Variants in ITGB1 observed in about 807,000 individuals in gnomAD.
ITGB1 encodes integrin subunit beta 1.
In ITGB1, 24 loss-of-function variants were observed where a neutral mutation model predicts 86.5. The ratio of observed to expected loss-of-function variants is 0.28; its 90% CI spans 0.20 to 0.39. The LOEUF (loss-of-function observed/expected upper bound fraction) is 0.39, where lower values mean the gene tolerates loss of function less well. ITGB1 is among the 10% of genes least tolerant of loss of function. The pLI is 1.00. For missense variants in ITGB1, 556 were observed against 946.9 expected, an observed-to-expected ratio of 0.59 and a Z score of 5.42; for synonymous variants, 323 against 316.8, an observed-to-expected ratio of 1.02 and a Z score of -0.21.
Position 32,923,744 on chromosome 10 carries a change from G to A in ITGB1, c.787-4C>T. 2 of 1,605,324 alleles carry A rather than the reference G, an allele frequency of 1.2e-6. No individual in the cohort carries two copies. Among genetic ancestry groups the A allele is most frequent in the Non-Finnish European group, 1.7e-6 (2 of 1,176,766 alleles). The stretch of plus-strand genomic sequence containing the variant: ...CATTCCTCCAGCCAATCAGTGACTT[G>A]AAAAGAAAAGGATTTCAATTTTAAA... On this transcript the variant is annotated splice_region_variant and splice_polypyrimidine_tract_variant and intron_variant, in intron 6 of 15. Coordinates refer to ENST00000302278, the MANE Select transcript of ITGB1 (RefSeq NM_002211.4).
chr10:32,914,979 T>C (rs2094927015), intron 11 of ITGB1, among the ~76,000 whole-genome samples: 1 of 152,232 alleles, frequency 6.6e-6, no homozygotes. Context: ...CAGACCACAG[T>C]GCAATCAAGC....
chr10:32,927,985 GT>G (rs2094970708), intron 5 of ITGB1, 108 bp downstream of exon 5: 4 of 647,720 alleles, frequency 6.2e-6, no homozygotes, highest in African/African-American at 3.7e-5. Flanking sequence ...AAACTGGCTT[GT>G]TTATCTCACA....
intron 1 of ITGB1, among the ~76,000 whole-genome samples, chr10:32,956,788 T>C (rs1222722359): frequency 6.6e-6 from 1 of 152,242 alleles, no homozygotes; most frequent in East Asian, 1.9e-4. Flanking sequence ...ACCAATGATG[T>C]TACCAATTAT....
intron 1 of ITGB1, among the ~76,000 whole-genome samples, chr10:32,941,925 CTA>C (rs2095019167): frequency 6.6e-6 from 1 of 152,030 alleles, no homozygotes; most frequent in Admixed American, 6.6e-5. Context: ...ATTGCAAAAT[CTA>C]GGGAAGATGC....
intron 2 of ITGB1, among the ~76,000 whole-genome samples, chr10:32,934,310 G>A (rs2094993822): frequency 6.6e-6 from 1 of 152,092 alleles, no homozygotes; most frequent in South Asian, 2.1e-4. Context: ...ACAATACAGT[G>A]TAAAAGCTAT....
chr10:32,948,295 T>C (rs991761945), intron 1 of ITGB1, among the ~76,000 whole-genome samples: 7 of 152,164 alleles, frequency 4.6e-5, no homozygotes, highest in Non-Finnish European at 7.3e-5. Flanking sequence ...CAGCAAAACC[T>C]TAAATATTTT....
chr10:32,916,544 A>G (rs1259997013), intron 11 of ITGB1, among the ~76,000 whole-genome samples: 5 of 152,204 alleles, frequency 3.3e-5, no homozygotes, highest in Admixed American at 3.3e-4. Flanking sequence ...CTGTACACCA[A>G]TAACAGACAA....
At chr10:32,942,429 T>C (rs2095020634) in intron 1 of ITGB1, among the ~76,000 whole-genome samples, 1 of 152,216 alleles carries the variant, frequency 6.6e-6, no homozygotes, top group Admixed American at 6.5e-5. Context: ...TACAGGCATA[T>C]TTGTAACACT....
In ITGB1 at chr10:32,910,192, A is replaced by G. The variant is rs757126666; in HGVS notation, c.2164+31T>C. On this transcript the variant is annotated intron_variant, in intron 14 of 15. Transcript: ENST00000302278. The stretch of plus-strand genomic sequence containing the variant: ...GCAGAAACAAGACATACAAGATATG[A>G]AAAGAATGTCTGCAATCATCGCATT... The G allele has an allele frequency of 1.7e-5, 26 of 1,491,048 alleles. No homozygotes were observed. In the African/African-American group the frequency reaches 3.5e-4, roughly 20 times the overall value. The allele number at this position is 1,491,048 out of a possible 1,614,324, so 92.4% of individuals were successfully genotyped here.
At chr10:32,912,520 A>G (rs1331472751) in intron 11 of ITGB1, among the ~76,000 whole-genome samples, 5 of 152,180 alleles carry the variant, frequency 3.3e-5, no homozygotes, top group Admixed American at 3.3e-4. Context: ...AGAGGGTCCC[A>G]TGCCCAGCTC....
intron 6 of ITGB1, among the ~76,000 whole-genome samples, chr10:32,924,622 A>C (rs1332512634): frequency 6.6e-6 from 1 of 152,172 alleles, no homozygotes; most frequent in East Asian, 1.9e-4. Context: ...TTAATACCAC[A>C]GGTTAAGGCC....
At chr10:32,902,255 T>C (rs2094883925) in intron 15 of ITGB1, among the ~76,000 whole-genome samples, 1 of 152,168 alleles carries the variant, frequency 6.6e-6, no homozygotes, top group Admixed American at 6.5e-5. Flanking sequence ...ATCATATTGG[T>C]GAAATGTCTT....
At chr10:32,944,988 C>G in intron 1 of ITGB1, 2 of 854,588 alleles carry the variant, frequency 2.3e-6, no homozygotes, top group East Asian at 5.5e-5. Flanking sequence ...AGCCAGAAAG[C>G]TGCCATTACT....
intron 1 of ITGB1, among the ~76,000 whole-genome samples, chr10:32,942,913 G>C (rs1244889954): frequency 1.3e-5 from 2 of 152,020 alleles, no homozygotes; most frequent in Non-Finnish European, 2.9e-5. Context: ...TGGTGGAAGT[G>C]GGGGCCAGGG....
chr10:32,957,548 C>A (rs1266450715), intron 1 of ITGB1, among the ~76,000 whole-genome samples: 1 of 152,116 alleles, frequency 6.6e-6, no homozygotes, highest in Non-Finnish European at 1.5e-5. Flanking sequence ...AACTTCTACC[C>A]GGCTCCCGCC....
chr10:32,934,910 C>G (rs972280383), intron 2 of ITGB1, among the ~76,000 whole-genome samples: 2 of 152,160 alleles, frequency 1.3e-5, no homozygotes, highest in African/African-American at 4.8e-5. Flanking sequence ...TGTAGTAAGT[C>G]CTTCCAATCC....
intron 1 of ITGB1, chr10:32,955,699 C>T (rs2095050946): frequency 6.6e-6 from 1 of 152,174 alleles, no homozygotes; most frequent in Admixed American, 6.5e-5. Context: ...GTGTCACTCC[C>T]AGAGTTAGGA....
chr10:32,921,207 G>A (rs2094948899), intron 9 of ITGB1, among the ~76,000 whole-genome samples: 2 of 148,556 alleles, frequency 1.3e-5, no homozygotes, highest in African/African-American at 2.5e-5. Flanking sequence ...AAGGATTCAA[G>A]CCAGGGCTTG....
At chr10:32,935,423 C>T (rs1347393278) in intron 2 of ITGB1, 69 bp downstream of exon 2, 1 of 947,214 alleles carries the variant, frequency 1.1e-6, no homozygotes, top group African/African-American at 1.6e-5. Context: ...CTCATATGAA[C>T]CTAACTGGTC....
Sources: gnomAD v4.1 joint callset for allele counts (sites outside exome capture counted in the v4.1 genomes callset) on GRCh38, gnomAD v4.1.1 for gene constraint, MANE v1.5 for transcripts, NCBI Gene and HGNC (gene_info 2026-07-23, HGNC 2026-07-21) for gene names.